The following HIVEP3 variants were observed in gnomAD, a reference collection of about 807,000 sequenced individuals.
HIVEP3 encodes HIVEP zinc finger 3, also known as transcription factor HIVEP3.
HIVEP3 carries 49 observed loss-of-function variants against 152.8 expected under a neutral mutation model. The ratio of observed to expected loss-of-function variants is 0.32; its 90% CI spans 0.26 to 0.41. The LOEUF (loss-of-function observed/expected upper bound fraction) is 0.41, where lower values mean the gene tolerates loss of function less well. HIVEP3 is among the 10% of genes least tolerant of loss of function. HIVEP3 has a pLI of 1.00. For synonymous variants in HIVEP3, 1,269 were observed against 1,289.0 expected, an observed-to-expected ratio of 0.98 and a Z score of 0.33; for missense variants, 2,790 against 3,103.3, an observed-to-expected ratio of 0.90 and a Z score of 2.40.
chr1:41,821,643 C>A (rs1642606335), intron 1 of HIVEP3, among the ~76,000 whole-genome samples: 1 of 152,210 alleles, frequency 6.6e-6, no homozygotes, highest in Admixed American at 6.5e-5. Flanking sequence ...CACCCAGATC[C>A]CTTTTTACAT....
intron 5 of HIVEP3, chr1:41,535,585 C>T (rs1222931777): frequency 6.6e-6 from 1 of 152,244 alleles, no homozygotes; most frequent in Non-Finnish European, 1.5e-5. Flanking sequence ...AGCTTTCTGC[C>T]CATGCCTGGG....
At chr1:41,817,718 A>T (rs188095221) in intron 1 of HIVEP3, among the ~76,000 whole-genome samples, 6 of 152,328 alleles carry the variant, frequency 3.9e-5, no homozygotes, top group Non-Finnish European at 8.8e-5. Context: ...CAGCTCCAGA[A>T]AAGGTCTTTT....
rs1173646154 is a variant in HIVEP3, at chr1:41,509,876, G to C, written c.*575C>G. ...AAGATTAGTTTTTCTGGGCCTGCCTGCTGGGGCCTGGGTGGGGGTCACCTG... is the reference window on the plus strand; with the variant it reads ...AAGATTAGTTTTTCTGGGCCTGCCTCCTGGGGCCTGGGTGGGGGTCACCTG... On this transcript the variant is annotated 3_prime_UTR_variant, in exon 9 of 9. Transcript: ENST00000372583. 6.7e-6 allele frequency: 1 copy of C among 148,258 alleles called. No individual in the cohort carries two copies. 9.2% of individuals were successfully genotyped at this position (148,258 alleles called of 1,614,324 possible).
chr1:41,599,556 A>T (rs1277137767), intron 3 of HIVEP3, among the ~76,000 whole-genome samples: 1 of 152,192 alleles, frequency 6.6e-6, no homozygotes, highest in East Asian at 1.9e-4. Context: ...AAGGCAGTCA[A>T]CGCACCTGAA....
chr1:41,965,430 G>A lies in HIVEP3; in HGVS notation n.120-46906C>T, dbSNP rs1182308041. ...CAGAAGGTAGGTAATAATAAACTTT[G>A]CTAAGTTAAAGGAGTATGTTCTAAC... On this transcript the variant is annotated intron_variant and non_coding_transcript_variant, in intron 1 of 3. Transcript: ENST00000489103. 3.9e-5 allele frequency among the ~76,000 whole-genome samples: 6 copies of A among 152,298 alleles called. No homozygotes were observed. The East Asian group carries it at 1.2e-3, about 29-fold the overall frequency.
chr1:41,566,692 T>C (rs1483229656), intron 5 of HIVEP3, among the ~76,000 whole-genome samples: 1 of 152,146 alleles, frequency 6.6e-6, no homozygotes, highest in African/African-American at 2.4e-5. Context: ...CCCTGTTGAA[T>C]GGGCACGTGC....
At position 41,580,854 on chromosome 1, in the gene HIVEP3, A is replaced by G. The variant is rs1644393106; in HGVS notation, c.3944T>C (p.Val1315Ala). 1 of 1,599,806 alleles carries G rather than the reference A, an allele frequency of 6.3e-7. No homozygotes were observed. Among genetic ancestry groups the G allele is most frequent in the African/African-American group, 1.3e-5 (1 of 74,698 alleles). ...AACACGGACAGGCACAACCAGGGAC[A>G]CCATGGTGTCTGGACAGGCAGGCAG... is the stretch of plus-strand genomic sequence containing the variant. ...LALPACPDTM[V>A]SLVVPVRVQT... The change falls in exon 4 of 9, where the codon GTG (valine) becomes GCG (alanine). Residue 1315 changes from valine (V) to alanine (A), a missense_variant. Transcript: ENST00000372583.
At chr1:41,795,049 G>A (rs532300975) in intron 1 of HIVEP3, among the ~76,000 whole-genome samples, 40 of 152,242 alleles carry the variant, frequency 2.6e-4, no homozygotes, top group Admixed American at 1.2e-3. Flanking sequence ...GTGCTACCAC[G>A]CCCAGGTAAA....
At chr1:41,680,643 T>G (rs898128971) in intron 2 of HIVEP3, among the ~76,000 whole-genome samples, 5 of 152,204 alleles carry the variant, frequency 3.3e-5, no homozygotes, top group Non-Finnish European at 7.3e-5. Flanking sequence ...CATGCTGGCA[T>G]CCCAAATCTT....
intron 1 of HIVEP3, among the ~76,000 whole-genome samples, chr1:41,878,858 T>TTCCCTCCC (rs558191474): frequency 7.5e-6 from 1 of 132,618 alleles, no homozygotes; most frequent in African/African-American, 2.9e-5. Context: ...CCCTCTCTTC[T>TTCCCTCCC]TCCCTCCCTC....
At chr1:41,712,993 A>G (rs1449507473) in intron 1 of HIVEP3, among the ~76,000 whole-genome samples, 3 of 152,196 alleles carry the variant, frequency 2.0e-5, no homozygotes, top group Non-Finnish European at 4.4e-5. Flanking sequence ...TCTTGGTGTC[A>G]GACACACGTG....
chr1:41,845,786 G>T (rs542193577), intron 1 of HIVEP3, among the ~76,000 whole-genome samples: 47 of 152,262 alleles, frequency 3.1e-4, no homozygotes, highest in African/African-American at 8.4e-4. Flanking sequence ...AAAATTGGAG[G>T]CTGGGTATGG....
intron 1 of HIVEP3, among the ~76,000 whole-genome samples, chr1:42,026,510 C>T (rs972082193): frequency 6.6e-6 from 1 of 152,078 alleles, no homozygotes; most frequent in Non-Finnish European, 1.5e-5. Context: ...ATAACCTATC[C>T]TACCATTATC....
intron 1 of HIVEP3, among the ~76,000 whole-genome samples, chr1:41,702,816 A>T (rs1157960300): frequency 2.0e-5 from 3 of 152,234 alleles, no homozygotes; most frequent in African/African-American, 7.2e-5. Flanking sequence ...AAAATAACTC[A>T]AAGGGCATGG....
At position 41,506,591 on chromosome 1, in the gene HIVEP3, G is replaced by GTTTTTTTTTTTTTTTT. The variant is rs10584086; in HGVS notation, c.*3859_*3860insAAAAAAAAAAAAAAAA. ...GTGCTTTAGACCTGCGTGGATTTTT[G>GTTTTTTTTTTTTTTTT]TTTTTTTTTTTTGTTTGTTTCTGTT... On this transcript the variant is annotated 3_prime_UTR_variant, in exon 9 of 9. Coordinates refer to ENST00000372583, the MANE Select transcript of HIVEP3 (RefSeq NM_024503.5). 1.6e-5 allele frequency: 1 copy of GTTTTTTTTTTTTTTTT among 62,000 alleles called. No individual in the cohort carries two copies. The highest frequency in any genetic ancestry group is 4.1e-5 in the African/African-American group (1 of 24,346). 3.8% of individuals were successfully genotyped at this position (62,000 alleles called of 1,614,324 possible).
intron 1 of HIVEP3, among the ~76,000 whole-genome samples, chr1:42,026,773 C>T (rs752619218): frequency 2.6e-5 from 4 of 152,172 alleles, no homozygotes; most frequent in Non-Finnish European, 4.4e-5. Flanking sequence ...CTCTCTGAAG[C>T]GAACTACATC....
At position 41,583,475 on chromosome 1, in the gene HIVEP3, C is replaced by T. The variant is rs1272748945; in HGVS notation, c.1323G>A (p.Leu441=). Residue 441 remains leucine, a synonymous_variant, in exon 4 of 9, where the codon CTG becomes CTA. Transcript: ENST00000372583. The surrounding 1 kb of genome is among the most constrained non-coding windows in gnomAD (Gnocchi z 6.9). ...MLTATSTQPL[L]PLSTEDKPSL... ...TGGGCTTGTCTTCGGTGGACAGGGG[C>T]AGGAGGGGCTGGGTGGAGGTGGCTG... is the stretch of plus-strand genomic sequence containing the variant. The T allele has an allele frequency of 1.2e-6, 2 of 1,613,482 alleles. No homozygotes were observed. The highest frequency in any genetic ancestry group is 2.2e-5 in the East Asian group (1 of 44,862).
chr1:41,714,143 A>T (rs1039569708), intron 1 of HIVEP3, among the ~76,000 whole-genome samples: 1 of 152,198 alleles, frequency 6.6e-6, no homozygotes. Context: ...AGGGAGGGTG[A>T]TCCGAGGGGA....
chr1:41,605,342 T>A (rs1644805397), intron 3 of HIVEP3, among the ~76,000 whole-genome samples: 1 of 148,658 alleles, frequency 6.7e-6, no homozygotes, highest in African/African-American at 2.5e-5. Context: ...CTTGATGTGG[T>A]TACATAGATA....
Sources: gnomAD v4.1 joint callset for allele counts (sites outside exome capture counted in the v4.1 genomes callset) on GRCh38, gnomAD v4.1.1 for gene constraint, Gnocchi (gnomAD v3.1) non-coding constraint, MANE v1.5 for transcripts, NCBI Gene and HGNC (gene_info 2026-07-23, HGNC 2026-07-21) for gene names.